MRTO4: variants seen among roughly 807,000 people sequenced by gnomAD.
The protein encoded by MRTO4 is mRNA turnover protein 4 homolog.
A neutral mutation model predicts 28.6 loss-of-function variants in MRTO4; 7 were observed. The observed-to-expected ratio is 0.24, with a 90% CI of 0.14 to 0.46. MRTO4 has a LOEUF of 0.46. Ranked by LOEUF, MRTO4 falls within the 20% of genes least tolerant of loss-of-function variation. The pLI is 0.99. For synonymous variants in MRTO4, 113 were observed against 108.2 expected, an observed-to-expected ratio of 1.04 and a Z score of -0.27; for missense variants, 302 against 298.3, an observed-to-expected ratio of 1.01 and a Z score of -0.09.
At chr1:19,257,393 C>T (rs556461352) in intron 4 of MRTO4, 61 bp from the exon 5 acceptor site, 7 of 1,585,600 alleles carry the variant, frequency 4.4e-6, no homozygotes, top group East Asian at 4.5e-5. Flanking sequence ...TGAGCAAAAA[C>T]GTGCCTAGTA....
rs745822391 is a variant in MRTO4, at chr1:19,258,771, G to A, written c.661G>A (p.Asp221Asn). ...QSGRFQQMGD[D>N]LPESASESTE... ...GGGAAGGTTCCAGCAGATGGGAGAC[G>A]ACTTGCCAGAGAGCGCATCTGAGTC... The change falls in exon 8 of 8, where the codon GAC becomes AAC. Residue 221 changes from aspartate to asparagine, a missense_variant. By Grantham distance (23) the Asp-to-Asn change is conservative. Coordinates refer to ENST00000330263, the MANE Select transcript of MRTO4 (RefSeq NM_016183.4). 8.7e-6 allele frequency: 14 copies of A among 1,614,206 alleles called. No homozygotes were observed. The highest frequency in any genetic ancestry group is 1.3e-5 in the African/African-American group (1 of 75,058).
At chr1:19,253,703 G>A (rs1393157407) in intron 1 of MRTO4, among the ~76,000 whole-genome samples, 1 of 152,228 alleles carries the variant, frequency 6.6e-6, no homozygotes, top group East Asian at 1.9e-4. Context: ...ACCATTGACT[G>A]ATGTCATTGT....
intron 3 of MRTO4, 90 bp downstream of exon 3, chr1:19,256,141 A>T: frequency 2.7e-6 from 3 of 1,129,332 alleles, no homozygotes; most frequent in Non-Finnish European, 4.0e-6. Context: ...CTGACCCTTT[A>T]GGTGCCTGGG....
At chr1:19,254,184 G>A (rs1027572024) in intron 1 of MRTO4, among the ~76,000 whole-genome samples, 2 of 152,158 alleles carry the variant, frequency 1.3e-5, no homozygotes, top group African/African-American at 4.8e-5. Flanking sequence ...ACCAACCTGG[G>A]CAACATGGCA....
rs769810776 is a variant in MRTO4, at chr1:19,258,502, C to T, written c.519C>T (p.Tyr173=). The T allele has an allele frequency of 7.4e-6, 12 of 1,613,942 alleles. No individual in the cohort carries two copies. Among genetic ancestry groups the T allele is most frequent in the East Asian group, 6.7e-5 (3 of 44,900 alleles). The change falls in exon 7 of 8, where the codon TAC becomes TAT. Residue 173 remains tyrosine (Y), a synonymous_variant. Coordinates refer to ENST00000330263, the MANE Select transcript of MRTO4 (RefSeq NM_016183.4). ...GTGTGGTGACTCTGCTGTCTGACTACGAGGTGTGCAAGGAGGGCGATGTGC... is the reference window on the plus strand; with the variant it reads ...GTGTGGTGACTCTGCTGTCTGACTATGAGGTGTGCAAGGAGGGCGATGTGC... ...KRGVVTLLSD[Y]EVCKEGDVLT... is the part of the protein sequence containing the mutation.
rs756266483 is a variant in MRTO4 at position 19,255,932 on chromosome 1, G to A, written c.88-16G>A. 1.5e-5 allele frequency: 24 copies of A among 1,610,982 alleles called. No homozygotes were observed. In the East Asian group the frequency reaches 2.5e-4, roughly 16 times the overall value. ...TGCTGCTGCTTGAACTCAGAGCCTC[G>A]TGAATTGTCCCACAGCTTCGGAAAT... On this transcript the variant is annotated splice_polypyrimidine_tract_variant and intron_variant, in intron 2 of 7. Coordinates refer to ENST00000330263, the MANE Select transcript of MRTO4 (RefSeq NM_016183.4).
chr1:19,253,296 G>T (rs988380453), intron 1 of MRTO4, among the ~76,000 whole-genome samples: 1 of 152,224 alleles, frequency 6.6e-6, no homozygotes, highest in African/African-American at 2.4e-5. Context: ...GCTGTTCCAA[G>T]TAGAGGGAAC....
rs2093666770 is a variant in MRTO4, at chr1:19,253,491, T to C, written c.29-1291T>C. Reference sequence around the variant, plus strand: ...GGTGAAGTGAGTAGCAGAGGACCCATGTGATTTACCTTTACTTATGAAGGG... The same window carrying C: ...GGTGAAGTGAGTAGCAGAGGACCCACGTGATTTACCTTTACTTATGAAGGG... On this transcript the variant is annotated intron_variant, in intron 1 of 7. Transcript: ENST00000330263. Among the ~76,000 whole-genome samples the C allele has an allele frequency of 5.9e-5, 9 of 152,270 alleles. No individual in the cohort carries two copies. In the South Asian group the frequency reaches 1.9e-3, roughly 32 times the overall value.
At chr1:19,254,013 G>A (rs2093667743) in intron 1 of MRTO4, among the ~76,000 whole-genome samples, 1 of 152,180 alleles carries the variant, frequency 6.6e-6, no homozygotes, top group Admixed American at 6.5e-5. Context: ...CATACCAGGA[G>A]ATTCAGTCCC....
chr1:19,257,142 C>T lies in MRTO4; in HGVS notation c.270C>T (p.His90=), dbSNP rs1126682. The change falls in exon 4 of 8, where the codon CAC becomes CAT. Residue 90 remains histidine, a synonymous_variant. Transcript: ENST00000330263. ...SPSDEYKDNL[H]QVSKRLRGEV... ...CTGATGAATACAAAGACAACCTGCACCAGGTAAGTCTCTGGCCCTCACGGG... is the reference window on the plus strand; with the variant it reads ...CTGATGAATACAAAGACAACCTGCATCAGGTAAGTCTCTGGCCCTCACGGG... 277,333 of 1,613,338 alleles carry T rather than the reference C, an allele frequency of 0.17. 25,691 individuals are homozygous for T. The highest frequency in any genetic ancestry group is 0.2 in the Middle Eastern group (1,213 of 6,052).
intron 1 of MRTO4, among the ~76,000 whole-genome samples, chr1:19,254,183 G>C (rs181197447): frequency 8.1e-4 from 124 of 152,226 alleles, no homozygotes; most frequent in Admixed American, 1.4e-3. Context: ...GACCAACCTG[G>C]GCAACATGGC....
In MRTO4 at chr1:19,255,928, C is replaced by G; in HGVS notation, c.88-20C>G. 6.2e-7 allele frequency: 1 copy of G among 1,605,320 alleles called. No individual in the cohort carries two copies. The highest frequency in any genetic ancestry group is 8.5e-7 in the Non-Finnish European group (1 of 1,172,286). On this transcript the variant is annotated intron_variant, in intron 2 of 7. Coordinates refer to ENST00000330263, the MANE Select transcript of MRTO4 (RefSeq NM_016183.4). ...TGTATGCTGCTGCTTGAACTCAGAG[C>G]CTCGTGAATTGTCCCACAGCTTCGG...
At chr1:19,256,736 C>CA (rs1403831382) in intron 3 of MRTO4, among the ~76,000 whole-genome samples, 3 of 152,212 alleles carry the variant, frequency 2.0e-5, no homozygotes, top group Non-Finnish European at 4.4e-5. Flanking sequence ...TGTCCTGGGG[C>CA]AGGTGGCTCT....
chr1:19,253,485 G>A (rs927273293), intron 1 of MRTO4, among the ~76,000 whole-genome samples: 1 of 152,198 alleles, frequency 6.6e-6, no homozygotes, highest in Non-Finnish European at 1.5e-5. Context: ...AGTAGCAGAG[G>A]ACCCATGTGA....
rs758482846 is a variant in MRTO4 at position 19,257,898 on chromosome 1, G to T, written c.407G>T (p.Ser136Ile). 1.2e-5 allele frequency: 19 copies of T among 1,614,156 alleles called. No homozygotes were observed. In the South Asian group the frequency reaches 1.9e-4, roughly 16 times the overall value. The change falls in exon 6 of 8, where the codon AGC becomes ATC. Residue 136 changes from serine (S) to isoleucine (I), a missense_variant. By Grantham distance (142) the Ser-to-Ile change is moderately radical. Transcript: ENST00000330263. ...GGTAACAAAGCAGCTTTCACTGTGAGCCTGGATCCAGGGCCCCTGGAGCAG... is the reference window on the plus strand; with the variant it reads ...GGTAACAAAGCAGCTTTCACTGTGATCCTGGATCCAGGGCCCCTGGAGCAG... Reference protein sequence around the residue: ...RAGNKAAFTVSLDPGPLEQFP... With the variant: ...RAGNKAAFTVILDPGPLEQFP...
chr1:19,252,245 A>T, intron 1 of MRTO4: 1 of 307,462 alleles, frequency 3.3e-6, no homozygotes, highest in Non-Finnish European at 6.2e-6. Context: ...TTCTTTCAGC[A>T]CAGGTTTGTT....
intron 2 of MRTO4, among the ~76,000 whole-genome samples, chr1:19,255,356 T>A (rs2093669862): frequency 6.6e-6 from 1 of 151,020 alleles, no homozygotes; most frequent in African/African-American, 2.4e-5. Context: ...AAAAACTAGC[T>A]GGACGTGGTG....
rs189760561 is a variant in MRTO4, at chr1:19,259,723, C to T, written c.*893C>T. 5.1e-3 allele frequency: 771 copies of T among 152,408 alleles called. 5 individuals are homozygous for T. The highest frequency in any genetic ancestry group is 0.016 in the African/African-American group (680 of 41,564). 9.4% of individuals were successfully genotyped at this position (152,408 alleles called of 1,614,324 possible). On this transcript the variant is annotated 3_prime_UTR_variant, in exon 8 of 8. Coordinates refer to ENST00000330263, the MANE Select transcript of MRTO4 (RefSeq NM_016183.4). ...TGCTGAGGAAAATTAGGTATCCTTCCTAGCCCTCCACACACTTCCAAACCA... is the reference window on the plus strand; with the variant it reads ...TGCTGAGGAAAATTAGGTATCCTTCTTAGCCCTCCACACACTTCCAAACCA...
rs201039637 is a variant in MRTO4 at position 19,258,842 on chromosome 1, G to A, written c.*12G>A. ...AAGATGATGACTGAAAGGGACTCGG[G>A]ACTGAAGGTCTCCTGGAAGCTTCTG... On this transcript the variant is annotated 3_prime_UTR_variant, in exon 8 of 8. Coordinates refer to ENST00000330263, the MANE Select transcript of MRTO4 (RefSeq NM_016183.4). The A allele has an allele frequency of 6.2e-7, 1 of 1,612,710 alleles. No homozygotes were observed. Among genetic ancestry groups the A allele is most frequent in the East Asian group, 2.2e-5 (1 of 44,868 alleles).
Sources: gnomAD v4.1 joint callset for allele counts (sites outside exome capture counted in the v4.1 genomes callset) on GRCh38, gnomAD v4.1.1 for gene constraint, MANE v1.5 for transcripts, NCBI Gene and HGNC (gene_info 2026-07-23, HGNC 2026-07-21) for gene names.